The following SERPINB2 variants were observed in gnomAD, a reference collection of about 807,000 sequenced individuals.
SERPINB2 encodes plasminogen activator inhibitor 2.
In SERPINB2, 28 loss-of-function variants were observed where a neutral mutation model predicts 39.4. That is an observed-to-expected ratio of 0.71 (90% CI 0.53 to 0.97). SERPINB2 has a LOEUF of 0.97. SERPINB2 is among the 50% of genes least tolerant of loss of function. The pLI is 0.00. For missense variants in SERPINB2, 557 were observed against 505.3 expected (o/e 1.10, Z -0.98); for synonymous variants, 209 against 175.1 (o/e 1.19, Z -1.53).
intron 1 of SERPINB2, among the ~76,000 whole-genome samples, chr18:63,888,201 T>C (rs2049904781): frequency 6.6e-6 from 1 of 152,210 alleles, no homozygotes; most frequent in Non-Finnish European, 1.5e-5. Flanking sequence ...GAAGACTTCA[T>C]TTGCACCTTA....
chr18:63,896,388 T>G (rs2049959484), intron 3 of SERPINB2, among the ~76,000 whole-genome samples: 1 of 149,182 alleles, frequency 6.7e-6, no homozygotes, highest in South Asian at 2.2e-4. Flanking sequence ...TGTTTTCCAC[T>G]GCATAGTTTG....
intron 5 of SERPINB2, among the ~76,000 whole-genome samples, chr18:63,898,896 G>C (rs1599062762): frequency 2.0e-5 from 3 of 152,124 alleles, no homozygotes; most frequent in African/African-American, 4.8e-5. Context: ...GGAGGGCCAA[G>C]GGAAGGAGGT....
intron 5 of SERPINB2, among the ~76,000 whole-genome samples, chr18:63,898,879 G>T (rs758878603): frequency 1.3e-5 from 2 of 152,144 alleles, no homozygotes; most frequent in Non-Finnish European, 2.9e-5. Flanking sequence ...TGGTCTGACT[G>T]CAGTGTGGAG....
intron 5 of SERPINB2, among the ~76,000 whole-genome samples, chr18:63,900,137 G>T (rs1274904797): frequency 6.6e-6 from 1 of 152,050 alleles, no homozygotes; most frequent in East Asian, 1.9e-4. Context: ...CAGTTATTTT[G>T]CCAAAATGCC....
intron 3 of SERPINB2, among the ~76,000 whole-genome samples, chr18:63,896,764 A>C (rs191849355): frequency 4.9e-4 from 74 of 152,340 alleles, no homozygotes; most frequent in Non-Finnish European, 9.7e-4. Flanking sequence ...GAACTTATCC[A>C]TCTTATAAAT....
At position 63,902,509 on chromosome 18, in the gene SERPINB2, G is replaced by C; in HGVS notation, c.784G>C (p.Val262Leu). 1.2e-6 allele frequency: 2 copies of C among 1,613,700 alleles called. No individual in the cohort carries two copies. The highest frequency in any genetic ancestry group is 1.7e-4 in the Middle Eastern group (1 of 6,048). The change falls in exon 7 of 8, where the codon GTT becomes CTT. Residue 262 changes from valine (V) to leucine (L), a missense_variant. Coordinates refer to ENST00000299502, the MANE Select transcript of SERPINB2 (RefSeq NM_002575.3). Reference sequence around the variant, plus strand: ...TCTAGAACTCCCATATGCTGGAGATGTTAGCATGTTCTTGTTGCTTCCAGA... The same window carrying C: ...TCTAGAACTCCCATATGCTGGAGATCTTAGCATGTTCTTGTTGCTTCCAGA... ...QILELPYAGD[V>L]SMFLLLPDEI...
intron 3 of SERPINB2, among the ~76,000 whole-genome samples, chr18:63,896,814 T>C (rs533269287): frequency 2.0e-5 from 3 of 152,348 alleles, no homozygotes; most frequent in East Asian, 3.9e-4. Flanking sequence ...TTTAGGAAAC[T>C]GAGAAGGGGC....
Position 63,902,800 on chromosome 18 carries a change from G to A in SERPINB2, c.844-101G>A, listed in dbSNP as rs141268773. On this transcript the variant is annotated intron_variant, in intron 7 of 7. Coordinates refer to ENST00000299502, the MANE Select transcript of SERPINB2 (RefSeq NM_002575.3). ...AACTTTCTATATCACCCACAATATA[G>A]TAAAGTCACTGATTTTTAATATTAG... 2.2e-4 allele frequency: 278 copies of A among 1,292,604 alleles called. 3 individuals are homozygous for A. In the East Asian group the frequency reaches 5.6e-3, roughly 26 times the overall value. 80.1% of individuals were successfully genotyped at this position (1,292,604 alleles called of 1,614,324 possible). A position where few individuals can be genotyped will look rare whatever the true frequency, so the allele number is the denominator to read the frequency against.
chr18:63,897,217 G>C lies in SERPINB2; in HGVS notation c.415G>C (p.Glu139Gln), dbSNP rs1239285410. The change falls in exon 4 of 8, where the codon GAA (glutamate) becomes CAA (glutamine). Residue 139 changes from glutamate to glutamine, a missense_variant and splice_region_variant. By Grantham distance (29) the Glu-to-Gln change is conservative. Coordinates refer to ENST00000299502, the MANE Select transcript of SERPINB2 (RefSeq NM_002575.3). ...TGGTGAGAAGTCTGCGAGCTTCCGGGAAGTAAGTGAAACCTGTAATTGAAA... is the reference window on the plus strand; with the variant it reads ...TGGTGAGAAGTCTGCGAGCTTCCGGCAAGTAAGTGAAACCTGTAATTGAAA... Reference protein sequence around the residue: ...LFGEKSASFREEYIRLCQKYY... With the variant: ...LFGEKSASFRQEYIRLCQKYY... 16 of 1,607,464 alleles carry C rather than the reference G, an allele frequency of 1.0e-5. No homozygotes were observed. The highest frequency in any genetic ancestry group is 1.3e-5 in the Non-Finnish European group (15 of 1,177,322).
At position 63,895,365 on chromosome 18, in the gene SERPINB2, T is replaced by C. The variant is rs748387746; in HGVS notation, c.270T>C (p.Tyr90=). The C allele has an allele frequency of 3.1e-6, 5 of 1,614,104 alleles. No individual in the cohort carries two copies. The highest frequency in any genetic ancestry group is 2.2e-5 in the East Asian group (1 of 44,882). ...GFMQQIQKGS[Y]PDAILQAQAA... ...TGCAGCAGATCCAGAAGGGTAGTTA[T>C]CCTGATGCGATTTTGCAGGTATCTG... is the stretch of plus-strand genomic sequence containing the variant. Residue 90 remains tyrosine, a synonymous_variant, in exon 3 of 8, where the codon TAT becomes TAC. Coordinates refer to ENST00000299502, the MANE Select transcript of SERPINB2 (RefSeq NM_002575.3).
chr18:63,896,941 T>A (rs750634011), intron 3 of SERPINB2, 150 bp from the exon 4 acceptor site: 36 of 584,504 alleles, frequency 6.2e-5, no homozygotes, highest in Admixed American at 1.6e-4. Context: ...TCGAAATGAT[T>A]TTCTCAAAGA....
intron 5 of SERPINB2, among the ~76,000 whole-genome samples, chr18:63,898,180 A>G (rs2049972478): frequency 6.6e-6 from 1 of 152,232 alleles, no homozygotes; most frequent in African/African-American, 2.4e-5. Flanking sequence ...CAAAAAGAAA[A>G]CAAGGCTTGA....
At chr18:63,893,777 G>T (rs1304888172) in intron 2 of SERPINB2, among the ~76,000 whole-genome samples, 1 of 152,192 alleles carries the variant, frequency 6.6e-6, no homozygotes, top group African/African-American at 2.4e-5. Flanking sequence ...ATACTTATTA[G>T]TGCCTTAGCC....
At chr18:63,891,716 C>A in intron 2 of SERPINB2, 104 bp downstream of exon 2, 1 of 1,119,336 alleles carries the variant, frequency 8.9e-7, no homozygotes, top group Non-Finnish European at 1.2e-6. Flanking sequence ...AGGAGGTCAG[C>A]AATCATCACA....
At chr18:63,900,361 A>G (rs1227824234) in intron 5 of SERPINB2, among the ~76,000 whole-genome samples, 1 of 152,214 alleles carries the variant, frequency 6.6e-6, no homozygotes, top group Non-Finnish European at 1.5e-5. Context: ...AAGGCAGGCA[A>G]GCTCCAAAGT....
Position 63,902,578 on chromosome 18 carries a change from T to A in SERPINB2, c.843+10T>A, listed in dbSNP as rs780054808. On this transcript the variant is annotated intron_variant, in intron 7 of 7. Transcript: ENST00000299502. ...CACTGGCTTGGAGCTGGTAAGACAT[T>A]CAGATATTTAAGTTTCTGGGGCTAT... 6.3e-7 allele frequency: 1 copy of A among 1,578,332 alleles called. No individual in the cohort carries two copies. The highest frequency in any genetic ancestry group is 8.6e-7 in the Non-Finnish European group (1 of 1,164,404).
intron 2 of SERPINB2, among the ~76,000 whole-genome samples, chr18:63,893,282 C>G (rs1239482519): frequency 6.6e-6 from 1 of 152,128 alleles, no homozygotes; most frequent in Non-Finnish European, 1.5e-5. Context: ...ATTTTGGGAG[C>G]AAATGCTAAA....
chr18:63,896,991 G>A (rs1358631779), intron 3 of SERPINB2, 100 bp from the exon 4 acceptor site: 3 of 1,085,836 alleles, frequency 2.8e-6, no homozygotes, highest in South Asian at 1.6e-5. Flanking sequence ...TATTAATATA[G>A]CATTTCATGA....
chr18:63,889,358 T>C (rs979969463), intron 1 of SERPINB2, among the ~76,000 whole-genome samples: 5 of 152,234 alleles, frequency 3.3e-5, no homozygotes, highest in African/African-American at 1.2e-4. Context: ...TTTTTTTCTT[T>C]ATCAAGTTAC....
Sources: allele counts gnomAD v4.1 joint callset (sites outside exome capture counted in the v4.1 genomes callset), GRCh38; gene constraint gnomAD v4.1.1; transcripts MANE v1.5; gene names NCBI Gene and HGNC (gene_info 2026-07-23, HGNC 2026-07-21).